The following SLC30A10 variants were observed in gnomAD, a reference collection of about 807,000 sequenced individuals.
SLC30A10 encodes solute carrier family 30 member 10.
A neutral mutation model predicts 21.7 loss-of-function variants in SLC30A10; 8 were observed. The ratio of observed to expected loss-of-function variants is 0.37; its 90% CI spans 0.22 to 0.67. The LOEUF is 0.67. SLC30A10 is among the 30% of genes least tolerant of loss of function. The pLI is 0.58. For missense variants in SLC30A10, 521 were observed against 642.5 expected (o/e 0.81, Z 2.04); for synonymous variants, 272 against 279.4 (o/e 0.97, Z 0.26).
At chr1:219,931,480 A>G (rs1489459600), upstream of SLC30A10, among the ~76,000 whole-genome samples, 2 of 152,014 alleles carry the variant, frequency 1.3e-5, no homozygotes, top group African/African-American at 4.8e-5. Flanking sequence ...TACAGGCTGC[A>G]TTTTATTTTT....
intron 1 of SLC30A10, among the ~76,000 whole-genome samples, chr1:219,956,223 T>G (rs1189024123): frequency 6.6e-6 from 1 of 151,760 alleles, no homozygotes; most frequent in Non-Finnish European, 1.5e-5. Context: ...CTGGCTGAAG[T>G]GCAGTGGTGT....
Position 219,928,270 on chromosome 1 carries a change from G to C in SLC30A10, c.171C>G (p.Ala57=), listed in dbSNP as rs1659898305. The C allele has an allele frequency of 6.3e-7, 1 of 1,595,166 alleles. No individual in the cohort carries two copies. The highest frequency in any genetic ancestry group is 8.5e-7 in the Non-Finnish European group (1 of 1,172,190). Residue 57 remains alanine (A), a synonymous_variant, in exon 1 of 4, where the codon GCC becomes GCG. Coordinates refer to ENST00000366926, the MANE Select transcript of SLC30A10 (RefSeq NM_018713.3). The surrounding 1 kb of genome is among the most constrained non-coding windows in gnomAD (Gnocchi z 6.3). ...GGGTGGGGCGCCGGGCGATGTAGCC[G>C]GCGCTCAGGCCCACGCACAGCGAGA... ...DLISLCVGLS[A]GYIARRPTRG... is the part of the protein sequence containing the mutation.
intron 2 of SLC30A10, among the ~76,000 whole-genome samples, chr1:219,926,340 G>C (rs1659824481): frequency 6.6e-6 from 1 of 152,202 alleles, no homozygotes; most frequent in African/African-American, 2.4e-5. Flanking sequence ...AGTCAAAATT[G>C]GGGATTAACC....
At chr1:219,933,601 G>A (rs189588053), upstream of SLC30A10, among the ~76,000 whole-genome samples, 191 of 152,206 alleles carry the variant, frequency 1.3e-3, no homozygotes, top group African/African-American at 4.3e-3. Context: ...GACTTAAGTG[G>A]GAAAAGGTAT....
At chr1:219,932,297 T>C (rs897892740), upstream of SLC30A10, among the ~76,000 whole-genome samples, 4 of 152,232 alleles carry the variant, frequency 2.6e-5, no homozygotes, top group African/African-American at 4.8e-5. Context: ...TCTTTTGTTC[T>C]AAACAAATGA....
At chr1:219,950,977 A>T (rs1660260743) in intron 1 of SLC30A10, among the ~76,000 whole-genome samples, 1 of 152,138 alleles carries the variant, frequency 6.6e-6, no homozygotes, top group Non-Finnish European at 1.5e-5. Flanking sequence ...CACACCATGA[A>T]GGTGTTGTTA....
At chr1:219,926,510 T>C (rs1326116444) in intron 2 of SLC30A10, among the ~76,000 whole-genome samples, 8 of 152,268 alleles carry the variant, frequency 5.3e-5, no homozygotes, top group African/African-American at 1.9e-4. Flanking sequence ...GCTAGCTAGG[T>C]GCTTGCCTTG....
intron 1 of SLC30A10, among the ~76,000 whole-genome samples, chr1:219,950,842 G>T (rs1462420560): frequency 1.3e-5 from 2 of 152,096 alleles, no homozygotes; most frequent in Non-Finnish European, 2.9e-5. Flanking sequence ...CAGCTACTCA[G>T]AAGGCTGAGG....
intron 1 of SLC30A10, among the ~76,000 whole-genome samples, chr1:219,938,735 A>T (rs556536025): frequency 1.3e-5 from 2 of 152,336 alleles, no homozygotes; most frequent in African/African-American, 2.4e-5. Flanking sequence ...GGTATTATTT[A>T]TGTGTCCCTG....
chr1:219,929,578 T>C (rs1558255522), upstream of SLC30A10, among the ~76,000 whole-genome samples: 1 of 151,916 alleles, frequency 6.6e-6, no homozygotes, highest in South Asian at 2.1e-4. Flanking sequence ...TGGAGTGCAA[T>C]GGCGCCATCT....
chr1:219,953,071 C>G (rs919142259), intron 1 of SLC30A10, among the ~76,000 whole-genome samples: 6 of 152,070 alleles, frequency 3.9e-5, no homozygotes, highest in Admixed American at 2.0e-4. Flanking sequence ...TTCTTATCAC[C>G]GAATCCTCAT....
chr1:219,938,914 C>T (rs759877781), intron 1 of SLC30A10, among the ~76,000 whole-genome samples: 7 of 152,116 alleles, frequency 4.6e-5, no homozygotes, highest in Admixed American at 6.6e-5. Flanking sequence ...CTTGGCAGGT[C>T]GCAGCAGCTT....
intron 1 of SLC30A10, 114 bp downstream of exon 1, chr1:219,927,687 A>ACAG: frequency 1.6e-6 from 1 of 621,814 alleles, no homozygotes; most frequent in Non-Finnish European, 2.2e-6. Flanking sequence ...ACAAAAAAAA[A>ACAG]AAAACAGAAA....
chr1:219,942,211 C>A (rs1459905787), intron 1 of SLC30A10, among the ~76,000 whole-genome samples: 1 of 152,230 alleles, frequency 6.6e-6, no homozygotes, highest in East Asian at 1.9e-4. Flanking sequence ...AAGTAAAAGT[C>A]AAAATCCAGA....
chr1:219,914,277 G>A lies in SLC30A10; in HGVS notation c.*1172C>T, dbSNP rs1365829719. On this transcript the variant is annotated 3_prime_UTR_variant, in exon 4 of 4. Coordinates refer to ENST00000366926, the MANE Select transcript of SLC30A10 (RefSeq NM_018713.3). ...CTACTACCAACATAGTTTGGTTATG[G>A]GTCTGAATCCGATTATAAAAATTTT... 6.6e-6 allele frequency: 1 copy of A among 152,046 alleles called. No individual in the cohort carries two copies. Among genetic ancestry groups the A allele is most frequent in the Non-Finnish European group, 1.5e-5 (1 of 68,008 alleles). 9.4% of individuals were successfully genotyped at this position (152,046 alleles called of 1,614,324 possible). A position where few individuals can be genotyped will look rare whatever the true frequency, so the allele number is the denominator to read the frequency against.
At position 219,912,193 on chromosome 1, in the gene SLC30A10, AAAAG is replaced by A. The variant is rs1659429622; in HGVS notation, c.*3252_*3255del. ...GGCAAAAAAAAAAAAAAAAAAAAAA[AAAAG>A]AACTAAATATGGAGAATATTCTTAA... On this transcript the variant is annotated 3_prime_UTR_variant, in exon 4 of 4. Coordinates refer to ENST00000366926, the MANE Select transcript of SLC30A10 (RefSeq NM_018713.3). 6.6e-6 allele frequency among the ~76,000 whole-genome samples: 1 copy of A among 150,552 alleles called. No homozygotes were observed. The highest frequency in any genetic ancestry group is 2.5e-5 in the African/African-American group (1 of 40,646).
intron 2 of SLC30A10, among the ~76,000 whole-genome samples, chr1:219,922,390 A>G (rs1659718357): frequency 6.6e-6 from 1 of 151,756 alleles, no homozygotes; most frequent in Non-Finnish European, 1.5e-5. Context: ...ACATCTCAGG[A>G]AAGTCTTGTT....
rs181262032 is a variant in SLC30A10, at chr1:219,947,183, T to A, written n.80+11385A>T. Among the ~76,000 whole-genome samples the A allele has an allele frequency of 9.6e-4, 147 of 152,340 alleles. 1 individual carries two copies. Among genetic ancestry groups the A allele is most frequent in the African/African-American group, 3.3e-3 (136 of 41,580 alleles). On this transcript the variant is annotated intron_variant and non_coding_transcript_variant, in intron 1 of 8. Coordinates refer to the SLC30A10 transcript ENST00000484239. ...TTTTATTTCCTATTAAGCTGATACA[T>A]TTTTAAAGATCTCATGGCAGATGAA...
At chr1:219,919,252 G>A (rs1015330089) in intron 2 of SLC30A10, among the ~76,000 whole-genome samples, 1 of 152,150 alleles carries the variant, frequency 6.6e-6, no homozygotes, top group African/African-American at 2.4e-5. Flanking sequence ...GATTCAGTAA[G>A]TAAATTAGGT....
Sources: gnomAD v4.1 joint callset for allele counts (sites outside exome capture counted in the v4.1 genomes callset) on GRCh38, gnomAD v4.1.1 for gene constraint, Gnocchi (gnomAD v3.1) non-coding constraint, MANE v1.5 for transcripts, NCBI Gene and HGNC (gene_info 2026-07-23, HGNC 2026-07-21) for gene names.